The following ZNF516 variants were observed in gnomAD, a reference collection of about 807,000 sequenced individuals.
ZNF516 encodes zinc finger protein 516.
ZNF516 carries 19 observed loss-of-function variants against 79.7 expected under a neutral mutation model. The observed-to-expected ratio is 0.24, with a 90% confidence interval of 0.17 to 0.35. ZNF516 has a LOEUF of 0.35. Among genes scored for constraint, ZNF516 ranks in the 10% least tolerant of loss-of-function variants. The probability of loss-of-function intolerance (pLI) is 1.00; values close to 1 mark genes in which losing one functional copy is unlikely to be tolerated. For missense variants in ZNF516, 1,678 were observed against 1,679.5 expected (o/e 1.00, Z 0.02); for synonymous variants, 877 against 739.5 (o/e 1.19, Z -3.02).
intron 3 of ZNF516, among the ~76,000 whole-genome samples, chr18:76,414,339 G>A (rs915417870): frequency 1.3e-5 from 2 of 152,168 alleles, no homozygotes; most frequent in African/African-American, 2.4e-5. Context: ...CCAGTTCCAC[G>A]TGTTATTTTC....
chr18:76,490,936 A>G (rs1915144877), intron 1 of ZNF516: 1 of 985,258 alleles, frequency 1.0e-6, no homozygotes, highest in African/African-American at 1.7e-5. Flanking sequence ...TACCGCGGAG[A>G]CACTGTGAGG....
intron 3 of ZNF516, among the ~76,000 whole-genome samples, chr18:76,438,284 G>A (rs977034909): frequency 2.0e-5 from 3 of 152,238 alleles, no homozygotes; most frequent in African/African-American, 7.2e-5. Context: ...ATACACTGAA[G>A]GTTTGTATGT....
intron 1 of ZNF516, chr18:76,492,596 C>G (rs1277942851): frequency 4.0e-6 from 2 of 495,164 alleles, no homozygotes; most frequent in African/African-American, 2.1e-5. Context: ...AATCCGCGTT[C>G]TCAGTTCGCT....
At chr18:76,448,730 G>A (rs1224289439) in intron 2 of ZNF516, among the ~76,000 whole-genome samples, 1 of 152,108 alleles carries the variant, frequency 6.6e-6, no homozygotes, top group African/African-American at 2.4e-5. Context: ...CCTGCAACAA[G>A]CACTTCCTGA....
At chr18:76,401,277 A>G (rs1211767206) in intron 3 of ZNF516, among the ~76,000 whole-genome samples, 3 of 151,914 alleles carry the variant, frequency 2.0e-5, no homozygotes, top group Non-Finnish European at 4.4e-5. Context: ...GTGAACCAAA[A>G]AAAAGAATTT....
At chr18:76,480,212 G>A (rs1914427895) in intron 1 of ZNF516, among the ~76,000 whole-genome samples, 1 of 147,276 alleles carries the variant, frequency 6.8e-6, no homozygotes, top group Non-Finnish European at 1.5e-5. Flanking sequence ...AGTAATTCTT[G>A]TCATCTACAC....
chr18:76,399,642 A>G (rs1421886453), intron 3 of ZNF516, among the ~76,000 whole-genome samples: 1 of 152,218 alleles, frequency 6.6e-6, no homozygotes, highest in Non-Finnish European at 1.5e-5. Flanking sequence ...GCTAGAGAGG[A>G]GGTTCAGGAA....
intron 3 of ZNF516, among the ~76,000 whole-genome samples, chr18:76,395,916 G>A (rs73978107): frequency 0.033 from 5,060 of 152,224 alleles, 265 homozygotes; most frequent in African/African-American, 0.11. Context: ...GAGCTTCACC[G>A]TCCGGAAGTG....
At chr18:76,473,903 TG>T (rs556393743) in intron 1 of ZNF516, among the ~76,000 whole-genome samples, 1,411 of 54,184 alleles carry the variant, frequency 0.026, 132 homozygotes, top group African/African-American at 0.12. Context: ...TGTTTTTGTG[TG>T]GGGGGGGGGG....
At chr18:76,448,254 CT>C (rs541007110) in intron 2 of ZNF516, among the ~76,000 whole-genome samples, 1 of 152,056 alleles carries the variant, frequency 6.6e-6, no homozygotes, top group Non-Finnish European at 1.5e-5. Flanking sequence ...CCTTGTCTTT[CT>C]TTTTTTGCCT....
At chr18:76,405,734 GAC>G (rs1266412309) in intron 3 of ZNF516, among the ~76,000 whole-genome samples, 12 of 152,014 alleles carry the variant, frequency 7.9e-5, no homozygotes, top group Non-Finnish European at 1.6e-4. Context: ...TGACTCCGCT[GAC>G]ACACGCGTGA....
At position 76,379,027 on chromosome 18, in the gene ZNF516, C is replaced by T; in HGVS notation, c.3087G>A (p.Gln1029=). 6.2e-7 allele frequency: 1 copy of T among 1,607,460 alleles called. No individual in the cohort carries two copies. Among genetic ancestry groups the T allele is most frequent in the Non-Finnish European group, 8.5e-7 (1 of 1,177,606 alleles). ...GSRGDAALQA[Q]PGVAGAPPVL... ...CGGGGGGCGCCCCAGCCACGCCGGGCTGGGCCTGCAAGGCCGCGTCGCCCC... is the reference window on the plus strand; with the variant it reads ...CGGGGGGCGCCCCAGCCACGCCGGGTTGGGCCTGCAAGGCCGCGTCGCCCC... Residue 1029 remains glutamine, a synonymous_variant, in exon 4 of 7, where the codon CAG becomes CAA. Transcript: ENST00000443185.
rs760579181 is a variant in ZNF516 at position 76,441,880 on chromosome 18, G to A, written c.1175C>T (p.Ser392Leu). Residue 392 changes from serine (S) to leucine (L), a missense_variant, in exon 3 of 7, where the codon TCG becomes TTG. Transcript: ENST00000443185. Reference protein sequence around the residue: ...FFLQCLNLRPSAAGDSCPGTQ... With the variant: ...FFLQCLNLRPLAAGDSCPGTQ... ...GCCAGGGCACGAGTCGCCGGCCGCCGACGGCCTCAGGTTCAGGCACTGGAG... is the reference window on the plus strand; with the variant it reads ...GCCAGGGCACGAGTCGCCGGCCGCCAACGGCCTCAGGTTCAGGCACTGGAG... The A allele has an allele frequency of 5.0e-6, 8 of 1,589,752 alleles. No homozygotes were observed. Among genetic ancestry groups the A allele is most frequent in the Admixed American group, 3.4e-5 (2 of 58,042 alleles).
chr18:76,429,361 C>G (rs1393295494), intron 3 of ZNF516, among the ~76,000 whole-genome samples: 1 of 152,190 alleles, frequency 6.6e-6, no homozygotes, highest in Non-Finnish European at 1.5e-5. Flanking sequence ...CTCAGGCATC[C>G]TCTGAGACTG....
chr18:76,494,645 C>G (rs1181263196), intron 1 of ZNF516, among the ~76,000 whole-genome samples: 1 of 152,132 alleles, frequency 6.6e-6, no homozygotes, highest in Non-Finnish European at 1.5e-5. Flanking sequence ...ATCCCATCCG[C>G]CAAACCCTTA....
At position 76,493,861 on chromosome 18, in the gene ZNF516, G is replaced by A. The variant is rs1158780643; in HGVS notation, c.-272+1283C>T. 6.6e-6 allele frequency: 1 copy of A among 152,216 alleles called. No individual in the cohort carries two copies. The highest frequency in any genetic ancestry group is 1.5e-5 in the Non-Finnish European group (1 of 68,056). 9.4% of individuals were successfully genotyped at this position (152,216 alleles called of 1,614,324 possible). On this transcript the variant is annotated intron_variant, in intron 1 of 6. Transcript: ENST00000443185. The surrounding 1 kb of genome is among the most constrained non-coding windows in gnomAD (Gnocchi z 5.2). ...AAAAATGTAAACCAACAATGCAGCA[G>A]CAAATGGCTTTTTGTGCATCTGGAT...
At chr18:76,404,507 G>T (rs1235768470) in intron 3 of ZNF516, among the ~76,000 whole-genome samples, 1 of 151,652 alleles carries the variant, frequency 6.6e-6, no homozygotes, top group Non-Finnish European at 1.5e-5. Flanking sequence ...GCATGTGTGT[G>T]CATGTGACTG....
chr18:76,379,069 G>A lies in ZNF516; in HGVS notation c.3045C>T (p.Thr1015=), dbSNP rs2074840188. 1.2e-6 allele frequency: 2 copies of A among 1,610,702 alleles called. No individual in the cohort carries two copies. Reference sequence around the variant, plus strand: ...CGTCGCCCCTGGACCCCGCAGCACAGGTGGCCAGAGTCCTCAGCTCCTGGG... The same window carrying A: ...CGTCGCCCCTGGACCCCGCAGCACAAGTGGCCAGAGTCCTCAGCTCCTGGG... ...KAAQELRTLA[T]CAAGSRGDAA... is the part of the protein sequence containing the mutation. The change falls in exon 4 of 7, where the codon ACC becomes ACT. Residue 1015 remains threonine, a synonymous_variant. Transcript: ENST00000443185.
Position 76,380,011 on chromosome 18 carries a change from G to A in ZNF516, c.2103C>T (p.Gly701=). 1.2e-6 allele frequency: 2 copies of A among 1,613,944 alleles called. No individual in the cohort carries two copies. Among genetic ancestry groups the A allele is most frequent in the Non-Finnish European group, 1.7e-6 (2 of 1,179,866 alleles). ...GCTTTTCTGCAGGGTGACCCGTCTG[G>A]CCCTCCGCTCCCGTACTGGAAGGGA... is the stretch of plus-strand genomic sequence containing the variant. ...VEFPSSTGAE[G]QTGHPAEKLS... The change falls in exon 4 of 7, where the codon GGC becomes GGT. Residue 701 remains glycine (G), a synonymous_variant. Coordinates refer to ENST00000443185, the MANE Select transcript of ZNF516 (RefSeq NM_014643.4).
Sources: allele counts gnomAD v4.1 joint callset (sites outside exome capture counted in the v4.1 genomes callset), GRCh38; gene constraint gnomAD v4.1.1; non-coding constraint Gnocchi (gnomAD v3.1); transcripts MANE v1.5; gene names NCBI Gene and HGNC (gene_info 2026-07-23, HGNC 2026-07-21).